The following CDK17 variants were observed in gnomAD, a reference collection of about 807,000 sequenced individuals.
The protein encoded by CDK17 is cyclin dependent kinase 17.
CDK17 carries 24 observed loss-of-function variants against 77.6 expected under a neutral mutation model. That is an observed-to-expected ratio of 0.31 (90% CI 0.22 to 0.44). The LOEUF (loss-of-function observed/expected upper bound fraction) is 0.44. Among genes scored for constraint, CDK17 ranks in the 20% least tolerant of loss-of-function variants. The pLI is 1.00. For missense variants in CDK17, 429 were observed against 622.5 expected (o/e 0.69, Z 3.31); for synonymous variants, 203 against 210.4 (o/e 0.96, Z 0.30).
intron 1 of CDK17, among the ~76,000 whole-genome samples, chr12:96,343,716 A>G (rs12319114): frequency 0.015 from 2,308 of 152,356 alleles, 54 homozygotes; most frequent in African/African-American, 0.053. Flanking sequence ...GGATGACAAC[A>G]GCCTTCAACT....
chr12:96,305,671 A>G (rs1468390273), intron 5 of CDK17, among the ~76,000 whole-genome samples: 2 of 152,088 alleles, frequency 1.3e-5, no homozygotes, highest in Non-Finnish European at 2.9e-5. Flanking sequence ...GCATAGGTAG[A>G]TTTGCAAGTT....
intron 1 of CDK17, among the ~76,000 whole-genome samples, chr12:96,348,800 G>A (rs896150269): frequency 1.3e-5 from 2 of 152,084 alleles, no homozygotes; most frequent in African/African-American, 2.4e-5. Flanking sequence ...TACCTAAGAA[G>A]TGAGCTGACA....
chr12:96,388,897 GAGA>G (rs1367383582), intron 1 of CDK17, among the ~76,000 whole-genome samples: 2 of 152,080 alleles, frequency 1.3e-5, no homozygotes, highest in East Asian at 1.9e-4. Flanking sequence ...AGAGAGAACA[GAGA>G]AGAAGCTACA....
intron 1 of CDK17, among the ~76,000 whole-genome samples, chr12:96,336,448 G>GAATAAGATGCA (rs1451821100): frequency 6.6e-6 from 1 of 152,110 alleles, no homozygotes; most frequent in Non-Finnish European, 1.5e-5. Flanking sequence ...CTGAGTGACA[G>GAATAAGATGCA]AATAAGATGC....
intron 1 of CDK17, among the ~76,000 whole-genome samples, chr12:96,380,040 A>G (rs12231829): frequency 0.85 from 129,157 of 151,426 alleles, 55,148 homozygotes; most frequent in African/African-American, 0.86. Flanking sequence ...ATGGTGGCAC[A>G]CACCTGTAGT....
At chr12:96,332,971 C>A (rs1316059928) in intron 2 of CDK17, among the ~76,000 whole-genome samples, 2 of 152,094 alleles carry the variant, frequency 1.3e-5, no homozygotes, top group Non-Finnish European at 2.9e-5. Flanking sequence ...TGACTCATAT[C>A]TTTTCTTTAG....
intron 5 of CDK17, among the ~76,000 whole-genome samples, chr12:96,308,856 G>GAA (rs1348123877): frequency 2.0e-5 from 3 of 151,734 alleles, no homozygotes; most frequent in African/African-American, 7.3e-5. Context: ...TGGGTATTAG[G>GAA]TGGTATTTTA....
intron 1 of CDK17, among the ~76,000 whole-genome samples, chr12:96,341,467 G>A (rs1953122104): frequency 6.6e-6 from 1 of 152,144 alleles, no homozygotes; most frequent in African/African-American, 2.4e-5. Context: ...AAGGGTTACA[G>A]AATGACAGCA....
At position 96,313,501 on chromosome 12, in the gene CDK17, A is replaced by C. The variant is rs1467561489; in HGVS notation, c.284-47T>G. ...TAAAAGAGATACATTATATTCTAATATATAATTTATTATCACTATGGGTAA... is the reference window on the plus strand; with the variant it reads ...TAAAAGAGATACATTATATTCTAATCTATAATTTATTATCACTATGGGTAA... On this transcript the variant is annotated intron_variant, in intron 3 of 16. Coordinates refer to ENST00000261211, the MANE Select transcript of CDK17 (RefSeq NM_002595.5). 5.6e-6 allele frequency: 6 copies of C among 1,079,410 alleles called. No homozygotes were observed. The African/African-American group carries it at 1.0e-4, about 18-fold the overall frequency. 66.9% of individuals were successfully genotyped at this position (1,079,410 alleles called of 1,614,324 possible).
intron 1 of CDK17, among the ~76,000 whole-genome samples, chr12:96,349,414 T>C (rs151097789): frequency 0.01 from 1,546 of 151,774 alleles, 49 homozygotes; most frequent in Admixed American, 0.064. Context: ...GATTGGGCCA[T>C]TGCACTCCAG....
At chr12:96,309,726 T>C (rs951241876) in intron 5 of CDK17, among the ~76,000 whole-genome samples, 7 of 152,194 alleles carry the variant, frequency 4.6e-5, no homozygotes, top group African/African-American at 1.4e-4. Context: ...AAACATACGA[T>C]GAATAATAAA....
At chr12:96,344,204 C>T (rs1953164288) in intron 1 of CDK17, among the ~76,000 whole-genome samples, 1 of 152,156 alleles carries the variant, frequency 6.6e-6, no homozygotes, top group East Asian at 1.9e-4. Context: ...ATGAACCTAC[C>T]GGACAGGGAC....
At chr12:96,366,630 G>C (rs533247916) in intron 1 of CDK17, among the ~76,000 whole-genome samples, 5 of 152,104 alleles carry the variant, frequency 3.3e-5, no homozygotes, top group Non-Finnish European at 7.4e-5. Flanking sequence ...CCCACAGTTT[G>C]ATCCTTTTTT....
chr12:96,312,084 G>A (rs1042347867), intron 4 of CDK17, among the ~76,000 whole-genome samples: 19 of 152,040 alleles, frequency 1.2e-4, no homozygotes, highest in African/African-American at 4.3e-4. Flanking sequence ...AGCACTTTGG[G>A]AAGCCAATAT....
At chr12:96,284,632 G>A (rs535565461) in intron 13 of CDK17, among the ~76,000 whole-genome samples, 152 of 149,418 alleles carry the variant, frequency 1.0e-3, no homozygotes, top group African/African-American at 3.3e-3. Flanking sequence ...GTGCGATCCC[G>A]GCTCACTGCA....
intron 1 of CDK17, among the ~76,000 whole-genome samples, chr12:96,347,146 G>A (rs1436534845): frequency 6.6e-6 from 1 of 152,002 alleles, no homozygotes; most frequent in African/African-American, 2.4e-5. Context: ...TAAAAACAGA[G>A]ACTAAAAATA....
intron 3 of CDK17, among the ~76,000 whole-genome samples, chr12:96,322,858 C>CTT (rs1012125917): frequency 1.3e-5 from 2 of 152,080 alleles, no homozygotes; most frequent in Admixed American, 6.5e-5. Context: ...GTTCCTGAAA[C>CTT]TTTAACAATC....
At chr12:96,286,826 T>C (rs1190649649) in intron 11 of CDK17, 65 bp from the exon 12 acceptor site, 1 of 1,356,366 alleles carries the variant, frequency 7.4e-7, no homozygotes, top group African/African-American at 1.4e-5. Flanking sequence ...CAAGAATCTT[T>C]TCCTTAAGGT....
rs1175785980 is a variant in CDK17 at position 96,279,818 on chromosome 12, A to G, written c.*424T>C. On this transcript the variant is annotated 3_prime_UTR_variant, in exon 17 of 17. Coordinates refer to ENST00000261211, the MANE Select transcript of CDK17 (RefSeq NM_002595.5). Reference sequence around the variant, plus strand: ...TTTAAAAACAAAAAATGCAGCAGTAAAACAATTCGTGAGGAGAAACAGATG... The same window carrying G: ...TTTAAAAACAAAAAATGCAGCAGTAGAACAATTCGTGAGGAGAAACAGATG... 1.3e-5 allele frequency: 2 copies of G among 155,852 alleles called. No individual in the cohort carries two copies. The highest frequency in any genetic ancestry group is 2.4e-5 in the African/African-American group (1 of 41,608). The allele number at this position is 155,852 out of a possible 1,614,324, so 9.7% of individuals were successfully genotyped here. A position where few individuals can be genotyped will look rare whatever the true frequency, so the allele number is the denominator to read the frequency against.
Sources: gnomAD v4.1 joint callset for allele counts (sites outside exome capture counted in the v4.1 genomes callset) on GRCh38, gnomAD v4.1.1 for gene constraint, MANE v1.5 for transcripts, NCBI Gene and HGNC (gene_info 2026-07-23, HGNC 2026-07-21) for gene names.